Variants in MTMR4 observed in about 807,000 individuals in gnomAD.
MTMR4 encodes the protein phosphatidylinositol-3,5-bisphosphate 3-phosphatase MTMR4.
A neutral mutation model predicts 125.5 loss-of-function variants in MTMR4; 30 were observed. That is an observed-to-expected ratio of 0.24 (90% CI 0.18 to 0.32). The LOEUF (loss-of-function observed/expected upper bound fraction) is 0.32. Ranked by LOEUF, MTMR4 falls within the 10% of genes least tolerant of loss-of-function variation. The pLI is 1.00. For missense variants in MTMR4, 1,039 were observed against 1,511.5 expected (o/e 0.69, Z 5.18); for synonymous variants, 498 against 564.5 (o/e 0.88, Z 1.67).
intron 15 of MTMR4, among the ~76,000 whole-genome samples, chr17:58,494,085 T>C (rs999771324): frequency 4.6e-5 from 7 of 151,352 alleles, no homozygotes; most frequent in Non-Finnish European, 8.8e-5. Flanking sequence ...GAGGCCGAGG[T>C]GGGCGGATCA....
intron 4 of MTMR4, among the ~76,000 whole-genome samples, chr17:58,510,314 C>A (rs1975893109): frequency 6.6e-6 from 1 of 152,194 alleles, no homozygotes; most frequent in African/African-American, 2.4e-5. Context: ...TCCAACAACA[C>A]CAGCCTCCCT....
chr17:58,495,568 A>G lies in MTMR4; in HGVS notation c.2616T>C (p.His872=). The G allele has an allele frequency of 6.2e-7, 1 of 1,614,020 alleles. No homozygotes were observed. Among genetic ancestry groups the G allele is most frequent in the Non-Finnish European group, 8.5e-7 (1 of 1,179,998 alleles). Residue 872 remains histidine, a synonymous_variant, in exon 15 of 18, where the codon CAT becomes CAC. Coordinates refer to ENST00000682306, the MANE Select transcript of MTMR4 (RefSeq NM_001378067.1). ...CTCTTTTACCAATGTCTTCCTCCCC[A>G]TGGGTCAGATCCGGCACAGAACTCA... ...EQLSSVPDLT[H]GEEDIGKRGN... is the part of the protein sequence containing the mutation.
In MTMR4 at chr17:58,491,058, G is replaced by T. The variant is rs1021990898; in HGVS notation, c.*605C>A. The T allele has an allele frequency of 6.6e-6, 1 of 152,618 alleles. No individual in the cohort carries two copies. The highest frequency in any genetic ancestry group is 1.5e-5 in the Non-Finnish European group (1 of 68,062). The allele number at this position is 152,618 out of a possible 1,614,324, so 9.5% of individuals were successfully genotyped here. A position where few individuals can be genotyped will look rare whatever the true frequency, so the allele number is the denominator to read the frequency against. On this transcript the variant is annotated 3_prime_UTR_variant, in exon 18 of 18. Transcript: ENST00000682306. Reference sequence around the variant, plus strand: ...AACTGAATATTCACCAATGCTGGCTGATGAGCCAACTGAAAAATACATTGA... The same window carrying T: ...AACTGAATATTCACCAATGCTGGCTTATGAGCCAACTGAAAAATACATTGA...
intron 14 of MTMR4, among the ~76,000 whole-genome samples, chr17:58,502,150 T>C (rs570444664): frequency 1.2e-4 from 15 of 120,800 alleles, no homozygotes; most frequent in African/African-American, 4.7e-4. Flanking sequence ...AGCATGTGTA[T>C]TTTACAATTT....
chr17:58,499,376 G>A (rs1257450668), intron 14 of MTMR4, among the ~76,000 whole-genome samples: 3 of 151,752 alleles, frequency 2.0e-5, no homozygotes, highest in South Asian at 2.1e-4. Flanking sequence ...GCGAAACCCC[G>A]TCTCTACTAA....
In MTMR4 at chr17:58,508,404, C is replaced by G; in HGVS notation, c.593+64G>C. On this transcript the variant is annotated intron_variant, in intron 6 of 17. Transcript: ENST00000682306. The surrounding 1 kb of genome is among the most constrained non-coding windows in gnomAD (Gnocchi z 4.8). Reference sequence around the variant, plus strand: ...TCTCAGACTCAGAAGCTGTGCCCACCACACTTTATCCAAACACGGAAGTAG... The same window carrying G: ...TCTCAGACTCAGAAGCTGTGCCCACGACACTTTATCCAAACACGGAAGTAG... The G allele has an allele frequency of 6.3e-7, 1 of 1,584,550 alleles. No homozygotes were observed. The highest frequency in any genetic ancestry group is 1.7e-5 in the Admixed American group (1 of 59,960).
In MTMR4 at chr17:58,512,998, T is replaced by A; in HGVS notation, c.46-57A>T. On this transcript the variant is annotated intron_variant, in intron 1 of 17. Transcript: ENST00000682306. The surrounding 1 kb of genome is among the most constrained non-coding windows in gnomAD (Gnocchi z 4.1). The stretch of plus-strand genomic sequence containing the variant: ...GCTCCACTTAGCCCATCAGGCTCAT[T>A]CTGCTCCTCTCCCCACCAAGAAATC... 8.0e-7 allele frequency: 1 copy of A among 1,251,292 alleles called. No homozygotes were observed. Among genetic ancestry groups the A allele is most frequent in the Non-Finnish European group, 1.2e-6 (1 of 857,618 alleles). 77.5% of individuals were successfully genotyped at this position (1,251,292 alleles called of 1,614,324 possible). A position where few individuals can be genotyped will look rare whatever the true frequency, so the allele number is the denominator to read the frequency against.
intron 14 of MTMR4, among the ~76,000 whole-genome samples, chr17:58,497,187 A>G (rs1975492722): frequency 6.6e-6 from 1 of 152,202 alleles, no homozygotes. Flanking sequence ...CTGGCCTCCT[A>G]TTTTTAGATG....
intron 4 of MTMR4, among the ~76,000 whole-genome samples, chr17:58,510,075 GT>G (rs1975887633): frequency 6.6e-6 from 1 of 152,120 alleles, no homozygotes; most frequent in Non-Finnish European, 1.5e-5. Context: ...TAGTCTCCCA[GT>G]TTTTGCTTTT....
In MTMR4 at chr17:58,512,609, G is replaced by C; in HGVS notation, c.136-103C>G. On this transcript the variant is annotated intron_variant, in intron 2 of 17. Transcript: ENST00000682306. The surrounding 1 kb of genome is among the most constrained non-coding windows in gnomAD (Gnocchi z 4.1). The stretch of plus-strand genomic sequence containing the variant: ...ATCCCCTCTGGAAAAGGTGGGCCAA[G>C]GCAAGAGAGGAGAGTTCTCTCCACG... The C allele has an allele frequency of 1.0e-6, 1 of 996,282 alleles. No homozygotes were observed. The highest frequency in any genetic ancestry group is 1.6e-6 in the Non-Finnish European group (1 of 637,798). 61.7% of individuals were successfully genotyped at this position (996,282 alleles called of 1,614,324 possible). A position where few individuals can be genotyped will look rare whatever the true frequency, so the allele number is the denominator to read the frequency against.
intron 14 of MTMR4, among the ~76,000 whole-genome samples, chr17:58,498,930 A>G (rs1317652535): frequency 1.3e-5 from 2 of 152,092 alleles, no homozygotes; most frequent in Non-Finnish European, 2.9e-5. Context: ...ATGGTTCTCT[A>G]CAGTGCTTCT....
Position 58,504,980 on chromosome 17 carries a change from C to T in MTMR4, c.1146-6G>A. 1 of 1,591,384 alleles carries T rather than the reference C, an allele frequency of 6.3e-7. No individual in the cohort carries two copies. Among genetic ancestry groups the T allele is most frequent in the African/African-American group, 1.3e-5 (1 of 74,594 alleles). The stretch of plus-strand genomic sequence containing the variant: ...TCTCCAGTGCCGACAACCAGCTACA[C>T]AAAAGCAGACATCAAGTCGGTCACA... On this transcript the variant is annotated splice_region_variant and splice_polypyrimidine_tract_variant and intron_variant, in intron 10 of 17. Coordinates refer to ENST00000682306, the MANE Select transcript of MTMR4 (RefSeq NM_001378067.1). The surrounding 1 kb of genome is among the most constrained non-coding windows in gnomAD (Gnocchi z 7.1).
intron 4 of MTMR4, among the ~76,000 whole-genome samples, chr17:58,509,913 C>T (rs1027566880): frequency 2.0e-5 from 3 of 152,148 alleles, no homozygotes; most frequent in African/African-American, 7.2e-5. Flanking sequence ...ATCCAGATTC[C>T]TCTTTCTTTC....
At chr17:58,516,449 C>T, upstream of MTMR4, 1 of 921,446 alleles carries the variant, frequency 1.1e-6, no homozygotes. Flanking sequence ...ATCTCCAGGG[C>T]AGATGAACAT....
At chr17:58,518,480 T>A (rs1471913740), upstream of MTMR4, among the ~76,000 whole-genome samples, 1 of 152,154 alleles carries the variant, frequency 6.6e-6, no homozygotes, top group Non-Finnish European at 1.5e-5. Context: ...CTGGCGGCGC[T>A]AGGATTTCCC....
upstream of MTMR4, chr17:58,517,906 A>C (rs1433994146): frequency 1.3e-5 from 2 of 153,074 alleles, no homozygotes; most frequent in Non-Finnish European, 2.9e-5. Flanking sequence ...CGACCCCACC[A>C]CAGTGCCCCT....
At chr17:58,505,907 A>AAAAC (rs951379590) in intron 9 of MTMR4, among the ~76,000 whole-genome samples, 13 of 152,314 alleles carry the variant, frequency 8.5e-5, no homozygotes, top group East Asian at 3.9e-4. Context: ...ACTCCGTCTC[A>AAAAC]AAACAAACAA....
At chr17:58,497,866 C>T (rs890902143) in intron 14 of MTMR4, among the ~76,000 whole-genome samples, 4 of 152,190 alleles carry the variant, frequency 2.6e-5, no homozygotes, top group African/African-American at 4.8e-5. Flanking sequence ...GATCTGTATT[C>T]TTTTAAGTGC....
rs531958364 is a variant in MTMR4, at chr17:58,508,291, T to TG, written c.594-18dup. On this transcript the variant is annotated splice_polypyrimidine_tract_variant and intron_variant, in intron 6 of 17. Coordinates refer to ENST00000682306, the MANE Select transcript of MTMR4 (RefSeq NM_001378067.1). The surrounding 1 kb of genome is among the most constrained non-coding windows in gnomAD (Gnocchi z 4.8). ...GGGCACAATCTGAGAAGAGACCAGG[T>TG]GGGGGTCACTGCACTGGGTCTAAAA... 4.6e-3 allele frequency: 7,342 copies of TG among 1,606,066 alleles called. 26 individuals are homozygous for TG. The highest frequency in any genetic ancestry group is 5.0e-3 in the Non-Finnish European group (5,906 of 1,172,706).
Sources: allele counts gnomAD v4.1 joint callset (sites outside exome capture counted in the v4.1 genomes callset), GRCh38; gene constraint gnomAD v4.1.1; non-coding constraint Gnocchi (gnomAD v3.1); transcripts MANE v1.5; gene names NCBI Gene and HGNC (gene_info 2026-07-23, HGNC 2026-07-21).